ERAP1: variants seen among roughly 807,000 people sequenced by gnomAD.
ERAP1 encodes the protein adipocyte-derived leucine aminopeptidase.
A neutral mutation model predicts 103.7 loss-of-function variants in ERAP1; 86 were observed. The ratio of observed to expected loss-of-function variants is 0.83; its 90% CI spans 0.70 to 0.99. ERAP1 has a LOEUF of 0.99. Among genes scored for constraint, ERAP1 ranks in the 50% least tolerant of loss-of-function variants. The pLI is 0.00. For missense variants in ERAP1, 1,009 were observed against 1,128.4 expected (o/e 0.89, Z 1.52); for synonymous variants, 398 against 402.4 (o/e 0.99, Z 0.13).
intron 18 of ERAP1, among the ~76,000 whole-genome samples, chr5:96,780,169 G>C (rs1243290318): frequency 3.3e-5 from 5 of 152,278 alleles, no homozygotes; most frequent in African/African-American, 1.2e-4. Context: ...ATTGTCTCAA[G>C]TAATTTTCTT....
intron 10 of ERAP1, 40 bp downstream of exon 10, chr5:96,790,256 G>T (rs1776573290): frequency 1.3e-6 from 2 of 1,584,612 alleles, no homozygotes; most frequent in Non-Finnish European, 1.7e-6. Context: ...TGCAGTAAAA[G>T]AATGTGCTTG....
chr5:96,897,935 G>A, the ERAP1 span, among the ~76,000 whole-genome samples: 2 of 152,174 alleles, frequency 1.3e-5, no homozygotes, highest in East Asian at 1.9e-4. Context: ...AATGGCTCAC[G>A]CCTGTAATCC....
At chr5:96,831,272 A>G in the ERAP1 span, among the ~76,000 whole-genome samples, 121 of 152,306 alleles carry the variant, frequency 7.9e-4, 1 homozygote, top group African/African-American at 2.8e-3. Flanking sequence ...CACTATCACC[A>G]TAACAGCACT....
At chr5:96,869,396 AAAG>A in the ERAP1 span, among the ~76,000 whole-genome samples, 1 of 152,186 alleles carries the variant, frequency 6.6e-6, no homozygotes, top group African/African-American at 2.4e-5. Context: ...ACACTCATGA[AAAG>A]AAGAAGACTC....
chr5:96,795,868 C>T (rs1777292217), intron 4 of ERAP1, among the ~76,000 whole-genome samples: 1 of 152,130 alleles, frequency 6.6e-6, no homozygotes, highest in Non-Finnish European at 1.5e-5. Flanking sequence ...AAACAACGAA[C>T]CACAAAATCA....
At chr5:96,917,688 C>G in the ERAP1 span, 1 of 1,146,978 alleles carries the variant, frequency 8.7e-7, no homozygotes, top group Non-Finnish European at 1.2e-6. Flanking sequence ...GGGCGGATCA[C>G]GAGGTCAGGA....
At chr5:96,923,579 A>G in the ERAP1 span, among the ~76,000 whole-genome samples, 4 of 151,808 alleles carry the variant, frequency 2.6e-5, 1 homozygote, top group African/African-American at 9.6e-5. Context: ...CCGTAGTCCC[A>G]GCTATTTGGG....
At position 96,781,076 on chromosome 5, in the gene ERAP1, C is replaced by T; in HGVS notation, c.2570G>A (p.Trp857Ter). ...CACTTACTTTTGTACAAGTTTGTTC[C>T]AGTTTTTCCTCAGAAATTGCCAGGC... ...PLAWQFLRKN[W>*]NKLVQKFELG... Residue 857 changes from tryptophan (W) to a stop codon, truncating the protein, a stop_gained, in exon 17 of 19, where the codon TGG becomes TAG. Transcript: ENST00000443439. LOFTEE classifies it high-confidence loss of function. 2 of 1,613,996 alleles carry T rather than the reference C, an allele frequency of 1.2e-6. No homozygotes were observed. Among genetic ancestry groups the T allele is most frequent in the Non-Finnish European group, 1.7e-6 (2 of 1,179,992 alleles).
chr5:96,856,121 C>G, the ERAP1 span, among the ~76,000 whole-genome samples: 2 of 151,108 alleles, frequency 1.3e-5, no homozygotes, highest in Non-Finnish European at 1.5e-5. Context: ...GACTTCGAGA[C>G]CAGCCTGGCT....
At chr5:96,765,459 AG>A in intron 19 of ERAP1, 1 of 594,164 alleles carries the variant, frequency 1.7e-6, no homozygotes, top group Non-Finnish European at 3.0e-6. Context: ...ATAATGAAAT[AG>A]AAAAATCAAT....
At chr5:96,908,307 T>G in the ERAP1 span, among the ~76,000 whole-genome samples, 4 of 152,196 alleles carry the variant, frequency 2.6e-5, no homozygotes, top group Admixed American at 6.5e-5. Flanking sequence ...TAATCGTTCG[T>G]TTCCTCTACA....
Position 96,797,316 on chromosome 5 carries a change from T to A in ERAP1, c.664-7A>T, listed in dbSNP as rs775416141. The A allele has an allele frequency of 6.2e-7, 1 of 1,613,112 alleles. No homozygotes were observed. Among genetic ancestry groups the A allele is most frequent in the East Asian group, 2.2e-5 (1 of 44,724 alleles). On this transcript the variant is annotated splice_region_variant and splice_polypyrimidine_tract_variant and intron_variant, in intron 3 of 18. Transcript: ENST00000443439. Reference sequence around the variant, plus strand: ...CAACAGTCACAGATTTCACCTAAAATCAGAATAATTCAAATTATCAAGTAA... The same window carrying A: ...CAACAGTCACAGATTTCACCTAAAAACAGAATAATTCAAATTATCAAGTAA...
the ERAP1 span, among the ~76,000 whole-genome samples, chr5:96,854,180 A>C: frequency 6.6e-6 from 1 of 152,232 alleles, no homozygotes; most frequent in Non-Finnish European, 1.5e-5. Flanking sequence ...AATATGGATA[A>C]TAGTATCAAC....
chr5:96,785,512 T>G, intron 13 of ERAP1: 1 of 429,870 alleles, frequency 2.3e-6, no homozygotes, highest in East Asian at 5.0e-5. Flanking sequence ...CGCCAGGATG[T>G]TGATCTCCTG....
intron 2 of ERAP1, among the ~76,000 whole-genome samples, chr5:96,802,412 GA>G (rs1203036088): frequency 6.6e-6 from 1 of 152,000 alleles, no homozygotes; most frequent in Non-Finnish European, 1.5e-5. Flanking sequence ...TGCATATCCA[GA>G]AAGAAGTCTG....
chr5:96,827,451 C>T, the ERAP1 span, among the ~76,000 whole-genome samples: 1 of 152,166 alleles, frequency 6.6e-6, no homozygotes. Flanking sequence ...TGCCTGAACT[C>T]AAGAGTTCGT....
At chr5:96,768,381 G>T (rs763919522) in intron 19 of ERAP1, 2 of 457,310 alleles carry the variant, frequency 4.4e-6, no homozygotes, top group South Asian at 3.1e-5. Context: ...ACTGCGCCTG[G>T]CCCTTACAAT....
chr5:96,785,553 G>C, intron 13 of ERAP1: 1 of 525,058 alleles, frequency 1.9e-6, no homozygotes, highest in South Asian at 2.0e-5. Flanking sequence ...AGTATGATCT[G>C]AATTATTAAT....
chr5:96,874,384 G>C, the ERAP1 span, among the ~76,000 whole-genome samples: 1 of 152,058 alleles, frequency 6.6e-6, no homozygotes, highest in South Asian at 2.1e-4. Flanking sequence ...ACATGCACTC[G>C]CCCACATACC....
Sources: allele counts gnomAD v4.1 joint callset (sites outside exome capture counted in the v4.1 genomes callset), GRCh38; gene constraint gnomAD v4.1.1; transcripts MANE v1.5; gene names NCBI Gene and HGNC (gene_info 2026-07-23, HGNC 2026-07-21).